The following CFAP46 variants were observed in gnomAD, a reference collection of about 807,000 sequenced individuals.
CFAP46 encodes the protein cilia- and flagella-associated protein 46.
A neutral mutation model predicts 325.7 loss-of-function variants in CFAP46; 245 were observed. The observed-to-expected ratio is 0.75, with a 90% CI of 0.68 to 0.84. The LOEUF is 0.84. Among genes scored for constraint, CFAP46 ranks in the 40% least tolerant of loss-of-function variants. CFAP46 has a pLI of 0.00. For synonymous variants in CFAP46, 1,523 were observed against 1,495.9 expected (o/e 1.02, Z -0.42); for missense variants, 3,346 against 3,543.0 (o/e 0.94, Z 1.41).
intron 37 of CFAP46, among the ~76,000 whole-genome samples, chr10:132,859,461 T>C (rs926838144): frequency 3.9e-5 from 6 of 152,082 alleles, no homozygotes; most frequent in Admixed American, 2.6e-4. Context: ...AGGCACTGTA[T>C]CCAGGTGGAA....
chr10:132,927,436 C>T (rs973293194), intron 9 of CFAP46, among the ~76,000 whole-genome samples: 4 of 152,050 alleles, frequency 2.6e-5, no homozygotes, highest in South Asian at 2.1e-4. Context: ...CGGCGGCAGA[C>T]GTCCACAAGC....
At chr10:132,903,989 T>C (rs892332666) in intron 22 of CFAP46, among the ~76,000 whole-genome samples, 2 of 152,224 alleles carry the variant, frequency 1.3e-5, no homozygotes, top group African/African-American at 2.4e-5. Flanking sequence ...ATTGAGAATA[T>C]GAACTCATTC....
rs372072137 is a variant in CFAP46, at chr10:132,834,614, G to C, written c.6866+40C>G. The C allele has an allele frequency of 1.9e-6, 3 of 1,607,064 alleles. No homozygotes were observed. In the African/African-American group the frequency reaches 4.0e-5, roughly 21 times the overall value. On this transcript the variant is annotated intron_variant, in intron 48 of 57. Coordinates refer to ENST00000368586, the MANE Select transcript of CFAP46 (RefSeq NM_001200049.3). The stretch of plus-strand genomic sequence containing the variant: ...GCACTGGACACACGTGTCCATGCGT[G>C]AGCGTGGTGGGGTGCCAGCCTCAAC...
At chr10:132,833,982 C>T in intron 49 of CFAP46, 59 bp downstream of exon 49, 1 of 1,529,258 alleles carries the variant, frequency 6.5e-7, no homozygotes, top group Non-Finnish European at 9.0e-7. Context: ...GGATCCCAAC[C>T]CCACCTCTTC....
intron 50 of CFAP46, among the ~76,000 whole-genome samples, chr10:132,824,366 CTG>C (rs1319527424): frequency 8.5e-6 from 1 of 117,650 alleles, no homozygotes; most frequent in African/African-American, 3.4e-5. Context: ...CTGATGTGTG[CTG>C]TGTGAGTGCT....
At chr10:132,917,053 G>A (rs183043361) in intron 16 of CFAP46, among the ~76,000 whole-genome samples, 97 of 152,340 alleles carry the variant, frequency 6.4e-4, no homozygotes, top group African/African-American at 2.2e-3. Flanking sequence ...AAAGGTCTGC[G>A]CTGGCCTCCG....
At chr10:132,821,511 CTGTGTGCTG>C (rs1565035407) in intron 50 of CFAP46, among the ~76,000 whole-genome samples, 1 of 115,246 alleles carries the variant, frequency 8.7e-6, no homozygotes, top group Non-Finnish European at 1.7e-5. Flanking sequence ...GCTGTGTGCG[CTGTGTGCTG>C]TGTGCTGATG....
chr10:132,857,514 G>C, intron 39 of CFAP46, 76 bp downstream of exon 39: 1 of 1,443,106 alleles, frequency 6.9e-7, no homozygotes, highest in Non-Finnish European at 9.5e-7. Flanking sequence ...CAGCTGGCTT[G>C]TAAGGTAAGT....
At chr10:132,866,792 G>A (rs1848820281) in intron 34 of CFAP46, among the ~76,000 whole-genome samples, 3 of 152,230 alleles carry the variant, frequency 2.0e-5, no homozygotes, top group Non-Finnish European at 4.4e-5. Flanking sequence ...GTGCTCCCAC[G>A]GTAACTGCGT....
At chr10:132,940,386 T>G (rs909099489) in intron 4 of CFAP46, among the ~76,000 whole-genome samples, 5 of 152,010 alleles carry the variant, frequency 3.3e-5, no homozygotes, top group African/African-American at 1.2e-4. Context: ...CTTAACAGTT[T>G]GAAGCATGAT....
rs1455927338 is a variant in CFAP46, at chr10:132,892,412, T to C, written c.3225A>G (p.Lys1075=). ...ACTGGTGCAGAAGCAGCGTCTTTCC[T>C]TTCTCCTAAAGTAACGCAAGTAAAC... ...INKTEARKQE[K]GKTLLLHQWP... is the part of the protein sequence containing the mutation. Residue 1075 remains lysine, a synonymous_variant, in exon 25 of 58, where the codon AAA becomes AAG. Coordinates refer to ENST00000368586, the MANE Select transcript of CFAP46 (RefSeq NM_001200049.3). 6.4e-7 allele frequency: 1 copy of C among 1,550,822 alleles called. No homozygotes were observed. The highest frequency in any genetic ancestry group is 1.2e-5 in the South Asian group (1 of 84,056).
chr10:132,868,950 G>C (rs1169635168), intron 33 of CFAP46, among the ~76,000 whole-genome samples: 1 of 152,216 alleles, frequency 6.6e-6, no homozygotes, highest in East Asian at 1.9e-4. Context: ...GCCTGACCGA[G>C]CACTGCCTCA....
In CFAP46 at chr10:132,877,396, C is replaced by T. The variant is rs1326950191; in HGVS notation, c.4213-435G>A. Reference sequence around the variant, plus strand: ...CAGCCAAGTGGTTTCTCAGACCTGCCCAGCACTTTGAGAAGTGGATACTTG... The same window carrying T: ...CAGCCAAGTGGTTTCTCAGACCTGCTCAGCACTTTGAGAAGTGGATACTTG... On this transcript the variant is annotated intron_variant, in intron 30 of 57. Coordinates refer to ENST00000368586, the MANE Select transcript of CFAP46 (RefSeq NM_001200049.3). The surrounding 1 kb of genome is among the most constrained non-coding windows in gnomAD (Gnocchi z 5.7). 6.6e-6 allele frequency among the ~76,000 whole-genome samples: 1 copy of T among 152,150 alleles called. No individual in the cohort carries two copies. The highest frequency in any genetic ancestry group is 1.9e-4 in the East Asian group (1 of 5,188).
chr10:132,843,172 A>G (rs1156265361), intron 44 of CFAP46, among the ~76,000 whole-genome samples: 1 of 152,210 alleles, frequency 6.6e-6, no homozygotes, highest in Non-Finnish European at 1.5e-5. Flanking sequence ...AGGAGAGCAC[A>G]TATGGGATGC....
intron 13 of CFAP46, among the ~76,000 whole-genome samples, chr10:132,921,404 C>T (rs996033911): frequency 2.6e-5 from 4 of 152,338 alleles, no homozygotes; most frequent in Admixed American, 2.6e-4. Flanking sequence ...TGCAACACAC[C>T]TGCCGAACCC....
At chr10:132,927,496 G>T (rs917693029) in intron 9 of CFAP46, among the ~76,000 whole-genome samples, 1 of 152,138 alleles carries the variant, frequency 6.6e-6, no homozygotes, top group Non-Finnish European at 1.5e-5. Flanking sequence ...AGTCCTGCAT[G>T]TCTGGGCCTC....
chr10:132,903,460 A>C (rs542414764), intron 22 of CFAP46, among the ~76,000 whole-genome samples: 117 of 152,068 alleles, frequency 7.7e-4, no homozygotes, highest in Non-Finnish European at 1.2e-3. Flanking sequence ...TCTGGGCCCA[A>C]GCCCTGACCC....
intron 50 of CFAP46, among the ~76,000 whole-genome samples, chr10:132,819,307 T>G (rs1319723782): frequency 6.6e-6 from 1 of 152,250 alleles, no homozygotes; most frequent in Non-Finnish European, 1.5e-5. Flanking sequence ...GAATTAATCT[T>G]TTTAATTGCC....
rs148799463 is a variant in CFAP46, at chr10:132,893,886, C to T, written c.3220-1469G>A. On this transcript the variant is annotated intron_variant, in intron 24 of 57. Coordinates refer to ENST00000368586, the MANE Select transcript of CFAP46 (RefSeq NM_001200049.3). ...TTGCTGCAGCCCCCTGTGGGTTTGC[C>T]GCAGGTAACACGCTTTGAGGTTGCT... 1.9e-3 allele frequency among the ~76,000 whole-genome samples: 294 copies of T among 152,062 alleles called. 3 individuals carry two copies. The highest frequency in any genetic ancestry group is 0.015 in the Admixed American group (224 of 15,272).
Sources: gnomAD v4.1 joint callset for allele counts (sites outside exome capture counted in the v4.1 genomes callset) on GRCh38, gnomAD v4.1.1 for gene constraint, Gnocchi (gnomAD v3.1) non-coding constraint, MANE v1.5 for transcripts, NCBI Gene and HGNC (gene_info 2026-07-23, HGNC 2026-07-21) for gene names.